KCND2: variants seen among roughly 807,000 people sequenced by gnomAD.
KCND2 encodes A-type voltage-gated potassium channel KCND2.
A neutral mutation model predicts 54.4 loss-of-function variants in KCND2; 16 were observed. The observed-to-expected ratio is 0.29, with a 90% CI of 0.20 to 0.45. KCND2 has a LOEUF of 0.45. Ranked by LOEUF, KCND2 falls within the 20% of genes least tolerant of loss-of-function variation. The probability of loss-of-function intolerance (pLI) is 1.00; values close to 1 mark genes in which losing one functional copy is unlikely to be tolerated. For synonymous variants in KCND2, 317 were observed against 310.7 expected (o/e 1.02, Z -0.21); for missense variants, 486 against 824.2 (o/e 0.59, Z 5.02).
At chr7:120,410,046 T>G (rs774653870) in intron 1 of KCND2, among the ~76,000 whole-genome samples, 7 of 151,968 alleles carry the variant, frequency 4.6e-5, no homozygotes, top group Non-Finnish European at 8.8e-5. Flanking sequence ...TTTATAGTTA[T>G]TTTTATGTGA....
At chr7:120,605,278 A>T (rs1792867870) in intron 1 of KCND2, among the ~76,000 whole-genome samples, 1 of 152,156 alleles carries the variant, frequency 6.6e-6, no homozygotes, top group South Asian at 2.1e-4. Context: ...TGTCTCTATG[A>T]ATTTGCCTAT....
At chr7:120,608,103 A>G (rs1792905463) in intron 1 of KCND2, among the ~76,000 whole-genome samples, 2 of 151,998 alleles carry the variant, frequency 1.3e-5, no homozygotes, top group African/African-American at 2.4e-5. Context: ...TTATATGTGT[A>G]TAAATATTTG....
chr7:120,510,229 T>C (rs1176339416), intron 1 of KCND2, among the ~76,000 whole-genome samples: 2 of 152,150 alleles, frequency 1.3e-5, no homozygotes, highest in African/African-American at 4.8e-5. Context: ...GATGCTGTTC[T>C]AAGCACTCTG....
rs189464237 is a variant in KCND2, at chr7:120,327,218, A to G, written c.1115+51471A>G. Among the ~76,000 whole-genome samples the G allele has an allele frequency of 7.2e-4, 109 of 152,194 alleles. 1 individual carries two copies. Among genetic ancestry groups the G allele is most frequent in the African/African-American group, 2.5e-3 (103 of 41,572 alleles). On this transcript the variant is annotated intron_variant, in intron 1 of 5. Coordinates refer to ENST00000331113, the MANE Select transcript of KCND2 (RefSeq NM_012281.3). ...AGTGTGAGTTTGAGTATAGTTACCCATGGTGACCTATTAGCATAAAAGGTC... is the reference window on the plus strand; with the variant it reads ...AGTGTGAGTTTGAGTATAGTTACCCGTGGTGACCTATTAGCATAAAAGGTC...
chr7:120,644,651 C>T (rs997119780), intron 1 of KCND2, among the ~76,000 whole-genome samples: 19 of 152,164 alleles, frequency 1.2e-4, no homozygotes, highest in African/African-American at 4.3e-4. Context: ...GTGATATGCA[C>T]ATCACAAAAC....
At chr7:120,723,513 T>C (rs557679332) in intron 1 of KCND2, among the ~76,000 whole-genome samples, 131 of 152,320 alleles carry the variant, frequency 8.6e-4, no homozygotes, top group African/African-American at 3.1e-3. Flanking sequence ...AATTGTTGGA[T>C]ATTTAAAAGG....
intron 1 of KCND2, among the ~76,000 whole-genome samples, chr7:120,681,526 TTCTC>T (rs144959260): frequency 1.8e-4 from 27 of 148,616 alleles, no homozygotes; most frequent in African/African-American, 4.7e-4. Flanking sequence ...AACAAATAAG[TTCTC>T]TCTCTCTCTC....
intron 1 of KCND2, among the ~76,000 whole-genome samples, chr7:120,361,388 T>TCG (rs1313929411): frequency 6.6e-6 from 1 of 151,308 alleles, no homozygotes; most frequent in African/African-American, 2.4e-5. Context: ...TCTCTCTCGC[T>TCG]CTCTCTCTCT....
intron 1 of KCND2, among the ~76,000 whole-genome samples, chr7:120,665,452 T>C (rs1372246576): frequency 1.3e-5 from 2 of 152,028 alleles, no homozygotes; most frequent in African/African-American, 4.8e-5. Flanking sequence ...AATTCCTCAT[T>C]AACTAGTTTT....
At chr7:120,523,932 A>G (rs1175228866) in intron 1 of KCND2, among the ~76,000 whole-genome samples, 6 of 151,962 alleles carry the variant, frequency 3.9e-5, no homozygotes, top group Non-Finnish European at 8.8e-5. Flanking sequence ...AGATTCAGCA[A>G]TGTCTAAAAA....
rs1483187624 is a variant in KCND2 at position 120,567,308 on chromosome 7, A to G, written c.1116-165595A>G. ...TTATATATTCTTAATATAATTTCCT[A>G]GTAATCCCAAATCTCAGTAGGGATG... On this transcript the variant is annotated intron_variant, in intron 1 of 5. Transcript: ENST00000331113. Among the ~76,000 whole-genome samples the G allele has an allele frequency of 3.9e-5, 6 of 152,316 alleles. No homozygotes were observed. The East Asian group carries it at 1.2e-3, about 29-fold the overall frequency.
Position 120,634,328 on chromosome 7 carries a change from A to G in KCND2, c.1116-98575A>G, listed in dbSNP as rs1455778716. ...ATATTAATAAAAATTTTACATAATG[A>G]TTGGGTAGTATTATTTCACAATACT... On this transcript the variant is annotated intron_variant, in intron 1 of 5. Transcript: ENST00000331113. Among the ~76,000 whole-genome samples the G allele has an allele frequency of 2.6e-5, 4 of 152,188 alleles. No individual in the cohort carries two copies. The East Asian group carries it at 7.7e-4, about 29-fold the overall frequency.
Position 120,310,206 on chromosome 7 carries a change from TA to T in KCND2, c.1115+34464del, listed in dbSNP as rs796376170. ...ATGTTAATTTTATAATGAAATGCTT[TA>T]AAAATATGTAAATAAAGGATAAATG... On this transcript the variant is annotated intron_variant, in intron 1 of 5. Transcript: ENST00000331113. Among the ~76,000 whole-genome samples, 63 of 152,292 alleles carry T rather than the reference TA, an allele frequency of 4.1e-4. 2 individuals are homozygous for T. Among genetic ancestry groups the T allele is most frequent in the African/African-American group, 1.4e-3 (58 of 41,580 alleles).
chr7:120,371,097 A>T lies in KCND2; in HGVS notation c.1115+95350A>T, dbSNP rs1256466641. Reference sequence around the variant, plus strand: ...ACATGTCTCTATCGTAATTGATGGGAGAGAGAACATGCCACACCGTACACT... The same window carrying T: ...ACATGTCTCTATCGTAATTGATGGGTGAGAGAACATGCCACACCGTACACT... On this transcript the variant is annotated intron_variant, in intron 1 of 5. Transcript: ENST00000331113. 8.6e-5 allele frequency among the ~76,000 whole-genome samples: 13 copies of T among 152,010 alleles called. No individual in the cohort carries two copies. In the East Asian group the frequency reaches 2.5e-3, roughly 29 times the overall value.
intron 1 of KCND2, among the ~76,000 whole-genome samples, chr7:120,369,497 C>A (rs1800735924): frequency 6.6e-6 from 1 of 152,034 alleles, no homozygotes; most frequent in African/African-American, 2.4e-5. Context: ...CTAAACAAAG[C>A]CGCAGTCTCA....
chr7:120,386,502 C>G (rs1800989706), intron 1 of KCND2, among the ~76,000 whole-genome samples: 1 of 152,064 alleles, frequency 6.6e-6, no homozygotes, highest in Non-Finnish European at 1.5e-5. Flanking sequence ...GACCCAACAA[C>G]AAAGAGTAAA....
chr7:120,589,469 T>C (rs6466752), intron 1 of KCND2, among the ~76,000 whole-genome samples: 141,153 of 152,230 alleles, frequency 0.93, 66,030 homozygotes, highest in Middle Eastern at 0.99. Context: ...CATCCATTTA[T>C]TATAAGTGTA....
At chr7:120,663,630 T>A (rs1339973304) in intron 1 of KCND2, among the ~76,000 whole-genome samples, 4 of 152,198 alleles carry the variant, frequency 2.6e-5, no homozygotes, top group Non-Finnish European at 5.9e-5. Flanking sequence ...AACCAATCTA[T>A]ATTTATAGTT....
intron 1 of KCND2, among the ~76,000 whole-genome samples, chr7:120,450,887 C>A (rs939414885): frequency 1.3e-5 from 2 of 152,092 alleles, no homozygotes; most frequent in African/African-American, 4.8e-5. Context: ...GCAGGTGGAG[C>A]GATTACTTAT....
Sources: gnomAD v4.1 joint callset for allele counts (sites outside exome capture counted in the v4.1 genomes callset) on GRCh38, gnomAD v4.1.1 for gene constraint, MANE v1.5 for transcripts, NCBI Gene and HGNC (gene_info 2026-07-23, HGNC 2026-07-21) for gene names.